Variants in GLP2R observed in about 807,000 individuals in gnomAD.
GLP2R encodes glucagon-like peptide 2 receptor.
In GLP2R, 59 loss-of-function variants were observed where a neutral mutation model predicts 68.2. The observed-to-expected ratio is 0.87, with a 90% CI of 0.70 to 1.07. The LOEUF (loss-of-function observed/expected upper bound fraction) is 1.07. GLP2R is among the 50% of genes least tolerant of loss of function. The probability of loss-of-function intolerance (pLI) is 0.00; values close to 1 mark genes in which losing one functional copy is unlikely to be tolerated. For synonymous variants in GLP2R, 270 were observed against 265.4 expected, an observed-to-expected ratio of 1.02 and a Z score of -0.17; for missense variants, 548 against 677.4, an observed-to-expected ratio of 0.81 and a Z score of 2.12.
chr17:9,862,596 T>A lies in GLP2R; in HGVS notation c.1056+506T>A, dbSNP rs377727164. On this transcript the variant is annotated intron_variant, in intron 9 of 12. Coordinates refer to ENST00000262441, the MANE Select transcript of GLP2R (RefSeq NM_004246.3). ...AGGGAGGAAGGACCTTTAATCATTG[T>A]GGTCCAGAATATTTGGAATGGAAAG... is the stretch of plus-strand genomic sequence containing the variant. Among the ~76,000 whole-genome samples, 9 of 152,304 alleles carry A rather than the reference T, an allele frequency of 5.9e-5. No individual in the cohort carries two copies. The East Asian group carries it at 1.7e-3, about 29-fold the overall frequency.
At chr17:9,882,105 A>C (rs1597404774) in intron 11 of GLP2R, among the ~76,000 whole-genome samples, 2 of 152,070 alleles carry the variant, frequency 1.3e-5, no homozygotes, top group Middle Eastern at 6.9e-3. Flanking sequence ...CAGTAATAAC[A>C]GTGGGAGTCT....
chr17:9,847,051 C>A (rs1203390893), intron 4 of GLP2R, among the ~76,000 whole-genome samples: 1 of 152,174 alleles, frequency 6.6e-6, no homozygotes, highest in African/African-American at 2.4e-5. Flanking sequence ...GGCATTAATG[C>A]CCCCCATGGC....
intron 9 of GLP2R, among the ~76,000 whole-genome samples, chr17:9,869,747 A>G (rs930691340): frequency 1.3e-5 from 2 of 152,072 alleles, no homozygotes; most frequent in African/African-American, 2.4e-5. Context: ...GAGAGAGAGA[A>G]AGAGAGAGCT....
At chr17:9,874,471 A>G (rs776558139) in intron 10 of GLP2R, among the ~76,000 whole-genome samples, 6 of 152,136 alleles carry the variant, frequency 3.9e-5, no homozygotes, top group Non-Finnish European at 8.8e-5. Flanking sequence ...GACCAGCCTG[A>G]GCCAGAGTGA....
chr17:9,849,865 G>A (rs538466882), intron 4 of GLP2R, among the ~76,000 whole-genome samples: 53 of 151,988 alleles, frequency 3.5e-4, no homozygotes, highest in African/African-American at 1.1e-3. Flanking sequence ...CACCCACCTC[G>A]GCCTCCCAAA....
chr17:9,832,503 A>G (rs540644637), intron 1 of GLP2R, among the ~76,000 whole-genome samples: 1 of 152,292 alleles, frequency 6.6e-6, no homozygotes, highest in East Asian at 1.9e-4. Context: ...CGGAGGTTGC[A>G]GTGAGCTGAG....
intron 9 of GLP2R, among the ~76,000 whole-genome samples, chr17:9,863,530 G>A (rs2067006039): frequency 6.6e-6 from 1 of 152,120 alleles, no homozygotes; most frequent in Admixed American, 6.6e-5. Context: ...ACTATTTACT[G>A]CCTCCAGCCC....
rs3073988 is a variant in GLP2R at position 9,873,556 on chromosome 17, C to CTTTTTTTTTTTTTTTTTT, written c.1145+2727_1145+2744dup. ...GGATATCACAAAAACTATGCATGGA[C>CTTTTTTTTTTTTTTTTTT]TTTTTTTTTTTTTTTTTTTTTTTAG... is the stretch of plus-strand genomic sequence containing the variant. On this transcript the variant is annotated intron_variant, in intron 10 of 12. Transcript: ENST00000262441. Among the ~76,000 whole-genome samples, 2 of 52,060 alleles carry CTTTTTTTTTTTTTTTTTT rather than the reference C, an allele frequency of 3.8e-5. 1 individual carries two copies. The highest frequency in any genetic ancestry group is 6.8e-5 in the Non-Finnish European group (2 of 29,448). The allele number at this position is 52,060 out of a possible 152,430, so 34.2% of individuals were successfully genotyped here. A position where few individuals can be genotyped will look rare whatever the true frequency, so the allele number is the denominator to read the frequency against.
intron 1 of GLP2R, among the ~76,000 whole-genome samples, chr17:9,828,088 G>T (rs2066649071): frequency 1.3e-5 from 2 of 152,158 alleles, no homozygotes; most frequent in African/African-American, 4.8e-5. Context: ...GTGGTACCAG[G>T]TCTCATGAGG....
chr17:9,833,444 C>T (rs983818282), intron 1 of GLP2R, among the ~76,000 whole-genome samples: 4 of 152,140 alleles, frequency 2.6e-5, no homozygotes, highest in Non-Finnish European at 5.9e-5. Flanking sequence ...CACATTGTTG[C>T]GTCTTAGTGT....
intron 1 of GLP2R, among the ~76,000 whole-genome samples, chr17:9,831,516 G>A (rs1481560342): frequency 6.6e-6 from 1 of 152,202 alleles, no homozygotes; most frequent in African/African-American, 2.4e-5. Context: ...GAGATGAGTG[G>A]TTAAGTGTGG....
chr17:9,862,661 G>A (rs2066997365), intron 9 of GLP2R, among the ~76,000 whole-genome samples: 1 of 152,132 alleles, frequency 6.6e-6, no homozygotes, highest in Non-Finnish European at 1.5e-5. Flanking sequence ...TTAGATAATA[G>A]GGTGTGAGAA....
chr17:9,866,545 A>C (rs1182086956), intron 9 of GLP2R: 1 of 152,460 alleles, frequency 6.6e-6, no homozygotes, highest in Non-Finnish European at 1.5e-5. Flanking sequence ...GGAGGATTAA[A>C]AAAATACCCA....
chr17:9,863,968 T>C (rs7207209), intron 9 of GLP2R, among the ~76,000 whole-genome samples: 68,818 of 151,784 alleles, frequency 0.45, 16,195 homozygotes, highest in African/African-American at 0.58. Context: ...TAGAACAAAG[T>C]AGAATGGAGG....
At chr17:9,880,037 T>TA (rs2067181344) in intron 10 of GLP2R, among the ~76,000 whole-genome samples, 1 of 152,154 alleles carries the variant, frequency 6.6e-6, no homozygotes, top group Admixed American at 6.5e-5. Flanking sequence ...ACAAACCTGG[T>TA]AGGGGTGGAG....
Position 9,857,420 on chromosome 17 carries a change from C to G in GLP2R, c.612-3C>G. 1 of 1,614,038 alleles carries G rather than the reference C, an allele frequency of 6.2e-7. No homozygotes were observed. Among genetic ancestry groups the G allele is most frequent in the African/African-American group, 1.3e-5 (1 of 75,054 alleles). ...GAAGGCATTTGGTTTTCTCCTCGCA[C>G]AGAAAACTCCACTGCACGCGCAACT... On this transcript the variant is annotated splice_polypyrimidine_tract_variant and splice_region_variant and intron_variant, in intron 5 of 12. Transcript: ENST00000262441.
chr17:9,835,954 G>A (rs1263220846), intron 2 of GLP2R, among the ~76,000 whole-genome samples: 1 of 150,112 alleles, frequency 6.7e-6, no homozygotes, highest in Admixed American at 6.7e-5. Flanking sequence ...CAGGAGAGTC[G>A]CTTGAGCCTG....
At chr17:9,860,196 G>A (rs1014109170) in intron 7 of GLP2R, 95 bp downstream of exon 7, 12 of 1,212,766 alleles carry the variant, frequency 9.9e-6, no homozygotes, top group Non-Finnish European at 1.4e-5. Context: ...CCTAACTGGA[G>A]GTTGCTTCTG....
At chr17:9,877,808 C>A (rs62066052) in intron 10 of GLP2R, among the ~76,000 whole-genome samples, 8 of 141,810 alleles carry the variant, frequency 5.6e-5, no homozygotes, top group Non-Finnish European at 1.2e-4. Flanking sequence ...ACCCGGAAGG[C>A]GGAGGTTGCA....
Sources: allele counts gnomAD v4.1 joint callset (sites outside exome capture counted in the v4.1 genomes callset), GRCh38; gene constraint gnomAD v4.1.1; transcripts MANE v1.5; gene names NCBI Gene and HGNC (gene_info 2026-07-23, HGNC 2026-07-21).